The following PIGB variants were observed in gnomAD, a reference collection of about 807,000 sequenced individuals.
The protein encoded by PIGB is phosphatidylinositol glycan anchor biosynthesis class B.
PIGB carries 58 observed loss-of-function variants against 68.4 expected under a neutral mutation model. The ratio of observed to expected loss-of-function variants is 0.85; its 90% CI spans 0.69 to 1.06. The LOEUF is 1.06. Ranked by LOEUF, PIGB falls within the 50% of genes least tolerant of loss-of-function variation. PIGB has a pLI of 0.00. For missense variants in PIGB, 634 were observed against 655.8 expected (o/e 0.97, Z 0.36); for synonymous variants, 219 against 220.5 (o/e 0.99, Z 0.06).
rs546432030 is a variant in PIGB, at chr15:55,326,524, T to G, written c.418-1007T>G. 1.2e-4 allele frequency among the ~76,000 whole-genome samples: 18 copies of G among 152,316 alleles called. No individual in the cohort carries two copies. The South Asian group carries it at 3.3e-3, about 28-fold the overall frequency. ...ACATAGTACACAGTGCTGCAAATAT[T>G]TGAATTTTTAAAAACCTGTTGTTGC... On this transcript the variant is annotated intron_variant, in intron 3 of 11. Coordinates refer to ENST00000164305, the MANE Select transcript of PIGB (RefSeq NM_004855.5).
At chr15:55,348,215 C>T (rs2055844984) in intron 9 of PIGB, 1 of 152,218 alleles carries the variant, frequency 6.6e-6, no homozygotes, top group African/African-American at 2.4e-5. Flanking sequence ...TCGATCTCTT[C>T]ACCTCGCGAT....
chr15:55,328,656 G>A (rs2055343568), intron 4 of PIGB, among the ~76,000 whole-genome samples: 1 of 152,152 alleles, frequency 6.6e-6, no homozygotes, highest in Non-Finnish European at 1.5e-5. Context: ...TGATGGCTTT[G>A]AAGTCCTTCC....
intron 3 of PIGB, among the ~76,000 whole-genome samples, chr15:55,325,926 G>A (rs1469681295): frequency 6.6e-6 from 1 of 151,992 alleles, no homozygotes; most frequent in Non-Finnish European, 1.5e-5. Flanking sequence ...GCTGGGCACG[G>A]TTGCTCACTC....
chr15:55,321,288 T>G lies in PIGB; in HGVS notation c.315T>G (p.Thr105=). Residue 105 remains threonine, a synonymous_variant, in exon 3 of 12, where the codon ACT becomes ACG. Coordinates refer to ENST00000164305, the MANE Select transcript of PIGB (RefSeq NM_004855.5). The stretch of plus-strand genomic sequence containing the variant: ...ATGTTACTAATTATGGTTATTTGAC[T>G]TGGGAATGGACAGAGAGACTGAGGA... ...HHMVFNYGYL[T]WEWTERLRSY... 1 of 1,601,978 alleles carries G rather than the reference T, an allele frequency of 6.2e-7. No individual in the cohort carries two copies. The highest frequency in any genetic ancestry group is 8.5e-7 in the Non-Finnish European group (1 of 1,173,058).
At chr15:55,323,506 C>T (rs1255506458) in intron 3 of PIGB, among the ~76,000 whole-genome samples, 1 of 152,156 alleles carries the variant, frequency 6.6e-6, no homozygotes, top group East Asian at 1.9e-4. Flanking sequence ...CACTGTCCAC[C>T]ATGGTAGCCA....
chr15:55,348,136 G>A (rs1488900931), intron 9 of PIGB, among the ~76,000 whole-genome samples: 3 of 151,944 alleles, frequency 2.0e-5, no homozygotes, highest in Non-Finnish European at 2.9e-5. Context: ...ACAGGCATGC[G>A]CCTCCACACC....
At chr15:55,349,729 T>C (rs1479175314) in intron 9 of PIGB, 1 of 152,214 alleles carries the variant, frequency 6.6e-6, no homozygotes, top group African/African-American at 2.4e-5. Context: ...CTTGGTCCCA[T>C]TCAGTATTGT....
At position 55,354,148 on chromosome 15, in the gene PIGB, C is replaced by CT. The variant is rs534221819; in HGVS notation, c.1338-649dup. 1.4e-3 allele frequency among the ~76,000 whole-genome samples: 214 copies of CT among 151,790 alleles called. 2 individuals carry two copies. Among genetic ancestry groups the CT allele is most frequent in the South Asian group, 7.3e-3 (35 of 4,790 alleles). ...CCAACATGGTGAAACCCCATCTCTA[C>CT]TAAAAAAATACAAAAATCAGCCAGG... is the stretch of plus-strand genomic sequence containing the variant. On this transcript the variant is annotated intron_variant, in intron 10 of 11. Coordinates refer to ENST00000164305, the MANE Select transcript of PIGB (RefSeq NM_004855.5).
intron 4 of PIGB, 74 bp from the exon 5 acceptor site, chr15:55,329,650 C>A: frequency 8.7e-7 from 1 of 1,144,538 alleles, no homozygotes; most frequent in Non-Finnish European, 1.2e-6. Flanking sequence ...GACTTGCTTG[C>A]TATTTAGAAG....
Position 55,319,380 on chromosome 15 carries a change from A to C in PIGB, c.130A>C (p.Asn44His). The change falls in exon 1 of 12, where the codon AAC becomes CAC. Residue 44 changes from asparagine to histidine, a missense_variant. Asn to His is a moderately conservative substitution (Grantham distance 68, BLOSUM62 1). Transcript: ENST00000164305. ...LRKRKSTLYF[N>H]TQEKSARRRG... The stretch of plus-strand genomic sequence containing the variant: ...AAAGAGAAAGTCTACCTTGTACTTC[A>C]ACACCCAGGAGAAGAGCGCCAGGCG... The C allele has an allele frequency of 6.4e-7, 1 of 1,553,674 alleles. No individual in the cohort carries two copies. Among genetic ancestry groups the C allele is most frequent in the Non-Finnish European group, 8.7e-7 (1 of 1,147,926 alleles).
At chr15:55,326,483 TATAAA>T (rs2055288720) in intron 3 of PIGB, among the ~76,000 whole-genome samples, 1 of 151,428 alleles carries the variant, frequency 6.6e-6, no homozygotes, top group South Asian at 2.1e-4. Flanking sequence ...AGTTGATACA[TATAAA>T]ATAGCATGAT....
intron 3 of PIGB, 71 bp downstream of exon 3, chr15:55,321,461 G>A (rs73415540): frequency 0.04 from 52,203 of 1,310,686 alleles, 1,094 homozygotes; most frequent in African/African-American, 0.044. Context: ...TACTGTTGCT[G>A]AAGTCCAGCC....
chr15:55,321,946 G>A (rs781422124), intron 3 of PIGB, among the ~76,000 whole-genome samples: 80 of 149,568 alleles, frequency 5.3e-4, no homozygotes, highest in Non-Finnish European at 9.8e-4. Flanking sequence ...AGGCCGAGGC[G>A]GGCGGATCAC....
At chr15:55,326,753 C>T (rs2055296116) in intron 3 of PIGB, among the ~76,000 whole-genome samples, 1 of 152,090 alleles carries the variant, frequency 6.6e-6, no homozygotes, top group South Asian at 2.1e-4. Flanking sequence ...AGGAGAATGG[C>T]GTGAACCCGG....
intron 10 of PIGB, among the ~76,000 whole-genome samples, chr15:55,352,691 A>C (rs1001445598): frequency 3.4e-4 from 52 of 152,276 alleles, no homozygotes; most frequent in Admixed American, 2.9e-3. Context: ...CGGGAGGCGG[A>C]GGTTGCAGTG....
At position 55,350,678 on chromosome 15, in the gene PIGB, A is replaced by C. The variant is rs371563992; in HGVS notation, c.1124-21A>C. ...CAAAAGATTGTCAGTGTTAAGGTTC[A>C]ATATGTCTATCTTCATATAGGATAC... On this transcript the variant is annotated intron_variant, in intron 9 of 11. Transcript: ENST00000164305. 11 of 1,483,654 alleles carry C rather than the reference A, an allele frequency of 7.4e-6. No individual in the cohort carries two copies. The African/African-American group carries it at 1.5e-4, about 21-fold the overall frequency. The allele number at this position is 1,483,654 out of a possible 1,614,324, so 91.9% of individuals were successfully genotyped here.
rs553147774 is a variant in PIGB, at chr15:55,345,021, G to A, written c.1123+3219G>A. Among the ~76,000 whole-genome samples, 4 of 149,996 alleles carry A rather than the reference G, an allele frequency of 2.7e-5. No homozygotes were observed. The East Asian group carries it at 7.9e-4, about 30-fold the overall frequency. ...AGAGATTCTCCTGCCTCAGCCTCCA[G>A]AGTAGCTGGAATTACAGGCCCATGC... On this transcript the variant is annotated intron_variant, in intron 9 of 11. Transcript: ENST00000164305.
At chr15:55,347,837 T>C (rs1473928510) in intron 9 of PIGB, among the ~76,000 whole-genome samples, 9 of 152,230 alleles carry the variant, frequency 5.9e-5, no homozygotes, top group Admixed American at 3.3e-4. Flanking sequence ...AGAGACGCTC[T>C]GTCTCACCAG....
intron 7 of PIGB, among the ~76,000 whole-genome samples, 170 bp downstream of exon 7, chr15:55,339,488 A>C (rs1436513830): frequency 6.6e-6 from 1 of 152,260 alleles, no homozygotes; most frequent in African/African-American, 2.4e-5. Context: ...TAAAAGAATT[A>C]GTACTCCTAG....
Sources: gnomAD v4.1 joint callset for allele counts (sites outside exome capture counted in the v4.1 genomes callset) on GRCh38, gnomAD v4.1.1 for gene constraint, MANE v1.5 for transcripts, NCBI Gene and HGNC (gene_info 2026-07-23, HGNC 2026-07-21) for gene names.